Variants in RNF115 observed in about 807,000 individuals in gnomAD.
The protein encoded by RNF115 is E3 ubiquitin-protein ligase RNF115.
A neutral mutation model predicts 39.2 loss-of-function variants in RNF115; 31 were observed. The observed-to-expected ratio is 0.79, with a 90% confidence interval of 0.59 to 1.07. RNF115 has a LOEUF of 1.07. Among genes scored for constraint, RNF115 ranks in the 50% least tolerant of loss-of-function variants. The pLI is 0.00. For missense variants in RNF115, 384 were observed against 381.7 expected (o/e 1.01, Z -0.05); for synonymous variants, 124 against 131.0 (o/e 0.95, Z 0.37).
rs1657744115 is a variant in RNF115 at position 145,743,400 on chromosome 1, C to T, written c.*3466G>A. 1 of 152,322 alleles carries T rather than the reference C, an allele frequency of 6.6e-6. No homozygotes were observed. Among genetic ancestry groups the T allele is most frequent in the South Asian group, 2.1e-4 (1 of 4,826 alleles). The allele number at this position is 152,322 out of a possible 1,614,324, so 9.4% of individuals were successfully genotyped here. On this transcript the variant is annotated 3_prime_UTR_variant, in exon 9 of 9. Transcript: ENST00000582693. ...CAAGCTGGCCTTCAGACTGGAACTACACCATCAGCTCTCCTGGATCTCTAG... is the reference window on the plus strand; with the variant it reads ...CAAGCTGGCCTTCAGACTGGAACTATACCATCAGCTCTCCTGGATCTCTAG...
chr1:145,780,236 A>C lies in RNF115; in HGVS notation c.219+4303T>G, dbSNP rs1648069661. 7.9e-5 allele frequency among the ~76,000 whole-genome samples: 12 copies of C among 151,532 alleles called. No homozygotes were observed. In the South Asian group the frequency reaches 2.5e-3, roughly 32 times the overall value. ...GAGCGAGACCCCGTCTCAAAAAAAC[A>C]AACAAAAAAGAGCTTAAGGTTGTTA... On this transcript the variant is annotated intron_variant, in intron 3 of 8. Coordinates refer to ENST00000582693, the MANE Select transcript of RNF115 (RefSeq NM_014455.4).
intron 1 of RNF115, among the ~76,000 whole-genome samples, chr1:145,819,781 T>C (rs1412497794): frequency 5.3e-5 from 8 of 152,286 alleles, no homozygotes; most frequent in Non-Finnish European, 8.8e-5. Flanking sequence ...CTCACACCTG[T>C]AATCTCAGCA....
At chr1:145,813,913 G>T (rs1486735983) in intron 1 of RNF115, among the ~76,000 whole-genome samples, 4 of 143,348 alleles carry the variant, frequency 2.8e-5, no homozygotes, top group African/African-American at 5.2e-5. Context: ...AGCATGTTCA[G>T]CAGCATCTCT....
rs782007966 is a variant in RNF115 at position 145,771,857 on chromosome 1, A to T, written c.282T>A (p.Ser94Arg). 2 of 1,614,126 alleles carry T rather than the reference A, an allele frequency of 1.2e-6. No homozygotes were observed. The highest frequency in any genetic ancestry group is 4.5e-5 in the East Asian group (2 of 44,884). ...FQDFRPFLSS[S>R]PLDQDNRANE... ...TGGCTCTATTATCTTGGTCCAGTGG[A>T]CTGCTACTTAGAAAGGGTCTAAAAT... is the stretch of plus-strand genomic sequence containing the variant. Residue 94 changes from serine (S) to arginine (R), a missense_variant, in exon 4 of 9, where the codon AGT becomes AGA. Ser to Arg is a moderately radical substitution (Grantham distance 110). Transcript: ENST00000582693.
chr1:145,806,463 C>A (rs1323691712), intron 1 of RNF115, among the ~76,000 whole-genome samples: 1 of 152,104 alleles, frequency 6.6e-6, no homozygotes, highest in Non-Finnish European at 1.5e-5. Flanking sequence ...TTTTATTAAT[C>A]TCCGTACTTC....
chr1:145,814,289 C>T (rs1414348977), intron 1 of RNF115, among the ~76,000 whole-genome samples: 2 of 151,750 alleles, frequency 1.3e-5, no homozygotes, highest in Non-Finnish European at 2.9e-5. Flanking sequence ...TGTCTACAGA[C>T]TTTGCCAAAT....
At position 145,739,129 on chromosome 1, in the gene RNF115, T is replaced by C. The variant is rs1052010518; in HGVS notation, c.*7737A>G. 1.3e-5 allele frequency: 2 copies of C among 152,320 alleles called. No individual in the cohort carries two copies. The highest frequency in any genetic ancestry group is 3.8e-4 in the East Asian group (2 of 5,238). 9.4% of individuals were successfully genotyped at this position (152,320 alleles called of 1,614,324 possible). A position where few individuals can be genotyped will look rare whatever the true frequency, so the allele number is the denominator to read the frequency against. On this transcript the variant is annotated 3_prime_UTR_variant, in exon 9 of 9. Coordinates refer to ENST00000582693, the MANE Select transcript of RNF115 (RefSeq NM_014455.4). ...TTGTTAACCTCTTTGGTCATTTCTC[T>C]TTTTAAATAAATGCCCATAGCAGTA...
chr1:145,752,471 G>A lies in RNF115; in HGVS notation c.500+507C>T, dbSNP rs587714327. Among the ~76,000 whole-genome samples the A allele has an allele frequency of 5.9e-5, 9 of 151,702 alleles. No homozygotes were observed. The East Asian group carries it at 1.2e-3, about 20-fold the overall frequency. Reference sequence around the variant, plus strand: ...CCCAAACATCCTGGGGGACCAGGACGGCCTTCCTGAGCCTGAATAATAATA... The same window carrying A: ...CCCAAACATCCTGGGGGACCAGGACAGCCTTCCTGAGCCTGAATAATAATA... On this transcript the variant is annotated intron_variant, in intron 5 of 8. Transcript: ENST00000582693.
At position 145,744,003 on chromosome 1, in the gene RNF115, A is replaced by G. The variant is rs587619833; in HGVS notation, c.*2863T>C. The G allele has an allele frequency of 1.3e-4, 20 of 152,704 alleles. 1 individual carries two copies. In the East Asian group the frequency reaches 3.0e-3, roughly 23 times the overall value. The allele number at this position is 152,704 out of a possible 1,614,324, so 9.5% of individuals were successfully genotyped here. A position where few individuals can be genotyped will look rare whatever the true frequency, so the allele number is the denominator to read the frequency against. ...GAGCAAAAAAAGTGAAGAAAACTTC[A>G]TGTAACTTTGTCTGATGCTGTTTGC... On this transcript the variant is annotated 3_prime_UTR_variant, in exon 9 of 9. Coordinates refer to ENST00000582693, the MANE Select transcript of RNF115 (RefSeq NM_014455.4).
chr1:145,792,332 AAC>A (rs1648713314), intron 1 of RNF115, among the ~76,000 whole-genome samples: 1 of 151,100 alleles, frequency 6.6e-6, no homozygotes, highest in Non-Finnish European at 1.5e-5. Context: ...CAAACACTGA[AAC>A]ACTTTTTTTC....
chr1:145,750,112 C>G (rs377606910), intron 7 of RNF115, among the ~76,000 whole-genome samples: 18 of 152,140 alleles, frequency 1.2e-4, no homozygotes, highest in African/African-American at 4.3e-4. Flanking sequence ...TCTTATCTAT[C>G]TTTGTACCTC....
Position 145,804,547 on chromosome 1 carries a change from C to T in RNF115, c.103-15581G>A, listed in dbSNP as rs1032519365. Reference sequence around the variant, plus strand: ...CACACACACACAATCAGACTGGAAACACAGAATAACCAACCAGTTGTGTGA... The same window carrying T: ...CACACACACACAATCAGACTGGAAATACAGAATAACCAACCAGTTGTGTGA... On this transcript the variant is annotated intron_variant, in intron 1 of 8. Coordinates refer to ENST00000582693, the MANE Select transcript of RNF115 (RefSeq NM_014455.4). Among the ~76,000 whole-genome samples the T allele has an allele frequency of 8.6e-5, 13 of 151,030 alleles. 1 individual carries two copies. Among genetic ancestry groups the T allele is most frequent in the African/African-American group, 2.9e-4 (12 of 41,058 alleles).
intron 1 of RNF115, among the ~76,000 whole-genome samples, chr1:145,817,538 T>G (rs1452021048): frequency 6.8e-6 from 1 of 146,058 alleles, no homozygotes; most frequent in African/African-American, 2.4e-5. Flanking sequence ...TTAAGCCTTT[T>G]TATATATTGA....
chr1:145,782,365 T>A (rs587625165), intron 3 of RNF115, among the ~76,000 whole-genome samples: 1 of 152,222 alleles, frequency 6.6e-6, no homozygotes, highest in Admixed American at 6.5e-5. Context: ...CACCTGCCTG[T>A]AATCCCAGCT....
At chr1:145,766,002 CTTTTTTT>C (rs879951491) in intron 4 of RNF115, among the ~76,000 whole-genome samples, 5 of 140,450 alleles carry the variant, frequency 3.6e-5, no homozygotes, top group South Asian at 4.6e-4. Context: ...TACTCTTTTT[CTTTTTTT>C]TTTTTTTAAT....
chr1:145,748,202 AAAG>A, intron 7 of RNF115, 92 bp from the exon 8 acceptor site: 1 of 827,552 alleles, frequency 1.2e-6, no homozygotes, highest in South Asian at 1.5e-5. Flanking sequence ...ACGAATGCAT[AAAG>A]AAAAGACACA....
chr1:145,773,098 A>T (rs1204712573), intron 3 of RNF115: 1 of 152,180 alleles, frequency 6.6e-6, no homozygotes, highest in Non-Finnish European at 1.5e-5. Flanking sequence ...TTGAGACATT[A>T]TTATCTTGAA....
chr1:145,761,651 G>A (rs1254199745), intron 4 of RNF115, among the ~76,000 whole-genome samples: 1 of 152,264 alleles, frequency 6.6e-6, no homozygotes, highest in African/African-American at 2.4e-5. Context: ...TGCTGCAGGG[G>A]CGGAGCCCTC....
intron 3 of RNF115, among the ~76,000 whole-genome samples, chr1:145,782,061 C>A (rs1571747329): frequency 6.6e-6 from 1 of 151,946 alleles, no homozygotes; most frequent in East Asian, 1.9e-4. Flanking sequence ...CACCACCATG[C>A]CTGGCTAATT....
Sources: gnomAD v4.1 joint callset for allele counts (sites outside exome capture counted in the v4.1 genomes callset) on GRCh38, gnomAD v4.1.1 for gene constraint, MANE v1.5 for transcripts, NCBI Gene and HGNC (gene_info 2026-07-23, HGNC 2026-07-21) for gene names.